CDYL2: variants seen among roughly 807,000 people sequenced by gnomAD.
CDYL2 encodes the protein chromodomain Y like 2, also known as chromodomain Y-like protein 2.
Under a neutral mutation model 49.4 loss-of-function variants are expected in CDYL2, and 23 were observed. That is an observed-to-expected ratio of 0.47 (90% CI 0.34 to 0.66). The LOEUF is 0.66. Among genes scored for constraint, CDYL2 ranks in the 30% least tolerant of loss-of-function variants. The pLI, the probability that CDYL2 is intolerant of heterozygous loss-of-function variation, is 0.01. For missense variants in CDYL2, 678 were observed against 656.4 expected (o/e 1.03, Z -0.36); for synonymous variants, 360 against 268.8 (o/e 1.34, Z -3.32).
chr16:80,658,283 G>C (rs1359448044), intron 2 of CDYL2, among the ~76,000 whole-genome samples: 2 of 151,890 alleles, frequency 1.3e-5, no homozygotes, highest in East Asian at 3.9e-4. Context: ...TAAAATAAAA[G>C]CAATAAAGAT....
intron 1 of CDYL2, among the ~76,000 whole-genome samples, chr16:80,755,255 G>T (rs1168926153): frequency 3.3e-5 from 5 of 152,176 alleles, no homozygotes; most frequent in African/African-American, 9.7e-5. Context: ...GGAGAATGGA[G>T]GAAACCTGAA....
intron 1 of CDYL2, among the ~76,000 whole-genome samples, chr16:80,777,633 A>G (rs1057238278): frequency 1.3e-5 from 2 of 152,148 alleles, no homozygotes; most frequent in Admixed American, 6.5e-5. Flanking sequence ...TCTTACTAAT[A>G]TAAACTACCA....
chr16:80,758,757 T>C (rs979697264), intron 1 of CDYL2, among the ~76,000 whole-genome samples: 22 of 151,884 alleles, frequency 1.4e-4, no homozygotes, highest in Non-Finnish European at 2.5e-4. Context: ...TTAGCCAGGA[T>C]GGTTTCAATC....
intron 1 of CDYL2, among the ~76,000 whole-genome samples, chr16:80,756,963 G>C (rs1005831227): frequency 6.6e-6 from 1 of 151,864 alleles, no homozygotes; most frequent in Non-Finnish European, 1.5e-5. Context: ...AACAATCCTA[G>C]TCTCAAACTA....
chr16:80,604,918 C>G (rs1906264251), intron 6 of CDYL2, among the ~76,000 whole-genome samples: 1 of 152,156 alleles, frequency 6.6e-6, no homozygotes, highest in African/African-American at 2.4e-5. Context: ...GGCAATAACT[C>G]AAGGATCACT....
intron 2 of CDYL2, among the ~76,000 whole-genome samples, chr16:80,665,053 T>C (rs1022901960): frequency 2.0e-5 from 3 of 152,236 alleles, no homozygotes; most frequent in African/African-American, 7.2e-5. Flanking sequence ...GACCTGCTTC[T>C]AGGTATACAA....
At chr16:80,718,720 C>G (rs1904896174) in intron 1 of CDYL2, among the ~76,000 whole-genome samples, 1 of 152,194 alleles carries the variant, frequency 6.6e-6, no homozygotes, top group Non-Finnish European at 1.5e-5. Flanking sequence ...TCCCAACAGA[C>G]ACGTGGATAG....
intron 2 of CDYL2, among the ~76,000 whole-genome samples, chr16:80,651,857 C>A (rs1399309956): frequency 6.6e-6 from 1 of 152,152 alleles, no homozygotes; most frequent in Non-Finnish European, 1.5e-5. Flanking sequence ...TACTTGTATA[C>A]TGGAATTGAA....
At chr16:80,631,268 T>A (rs1907549253) in intron 3 of CDYL2, among the ~76,000 whole-genome samples, 1 of 152,116 alleles carries the variant, frequency 6.6e-6, no homozygotes, top group African/African-American at 2.4e-5. Context: ...AAACAGCAAA[T>A]ACAAGGAACA....
chr16:80,712,117 A>ATG (rs1412069529), intron 1 of CDYL2, among the ~76,000 whole-genome samples: 2 of 144,160 alleles, frequency 1.4e-5, no homozygotes, highest in Admixed American at 1.4e-4. Flanking sequence ...ATGTGTATAT[A>ATG]TGTGTATATA....
intron 1 of CDYL2, among the ~76,000 whole-genome samples, chr16:80,716,601 G>T (rs907697036): frequency 6.6e-6 from 1 of 152,184 alleles, no homozygotes; most frequent in Non-Finnish European, 1.5e-5. Context: ...TGGATCAATG[G>T]ATAGATGATG....
At chr16:80,735,857 C>A (rs1301489702) in intron 1 of CDYL2, among the ~76,000 whole-genome samples, 1 of 152,196 alleles carries the variant, frequency 6.6e-6, no homozygotes, top group African/African-American at 2.4e-5. Flanking sequence ...ATGTTTTGGT[C>A]CCTAACCAGC....
At chr16:80,797,702 T>C (rs1007029936) in intron 1 of CDYL2, among the ~76,000 whole-genome samples, 2 of 152,248 alleles carry the variant, frequency 1.3e-5, no homozygotes, top group African/African-American at 2.4e-5. Flanking sequence ...TTTTCCATTA[T>C]ATGCCACCAA....
At chr16:80,613,957 A>T (rs1906714175) in intron 4 of CDYL2, among the ~76,000 whole-genome samples, 1 of 152,216 alleles carries the variant, frequency 6.6e-6, no homozygotes. Flanking sequence ...CATGAGCCAC[A>T]TGGGCCTCTG....
At position 80,690,768 on chromosome 16, in the gene CDYL2, C is replaced by T. The variant is rs373109805; in HGVS notation, c.25-5639G>A. 6.6e-5 allele frequency among the ~76,000 whole-genome samples: 10 copies of T among 152,164 alleles called. No individual in the cohort carries two copies. The South Asian group carries it at 2.1e-3, about 32-fold the overall frequency. On this transcript the variant is annotated intron_variant, in intron 1 of 6. Coordinates refer to ENST00000570137, the MANE Select transcript of CDYL2 (RefSeq NM_152342.4). ...TCCATCACTTCGGATTAGCCTCCTGCGCTGGCCTCTCCTAGAGCCCCTACC... is the reference window on the plus strand; with the variant it reads ...TCCATCACTTCGGATTAGCCTCCTGTGCTGGCCTCTCCTAGAGCCCCTACC...
At chr16:80,777,676 A>T (rs951593470) in intron 1 of CDYL2, among the ~76,000 whole-genome samples, 1 of 152,140 alleles carries the variant, frequency 6.6e-6, no homozygotes, top group Non-Finnish European at 1.5e-5. Context: ...TATGAAAAAA[A>T]TCAAGTCACT....
At chr16:80,677,881 C>G (rs1909819053) in intron 2 of CDYL2, among the ~76,000 whole-genome samples, 1 of 151,730 alleles carries the variant, frequency 6.6e-6, no homozygotes, top group African/African-American at 2.4e-5. Flanking sequence ...CTACAGTAAC[C>G]AAAACAGCAT....
At chr16:80,645,188 C>T (rs1431945147) in intron 2 of CDYL2, among the ~76,000 whole-genome samples, 1 of 152,170 alleles carries the variant, frequency 6.6e-6, no homozygotes, top group Admixed American at 6.5e-5. Flanking sequence ...AAACTACCAT[C>T]AGAGTGAACA....
At chr16:80,721,429 T>A (rs1904994599) in intron 1 of CDYL2, among the ~76,000 whole-genome samples, 2 of 152,108 alleles carry the variant, frequency 1.3e-5, no homozygotes, top group Non-Finnish European at 1.5e-5. Flanking sequence ...ATGAGCAGGT[T>A]TGGGCAGCAA....
Sources: allele counts gnomAD v4.1 joint callset (sites outside exome capture counted in the v4.1 genomes callset), GRCh38; gene constraint gnomAD v4.1.1; transcripts MANE v1.5; gene names NCBI Gene and HGNC (gene_info 2026-07-23, HGNC 2026-07-21).